SYNE1: variants seen among roughly 807,000 people sequenced by gnomAD.
The protein encoded by SYNE1 is spectrin repeat containing nuclear envelope protein 1, also known as nesprin-1.
SYNE1 carries 616 observed loss-of-function variants against 1,111.0 expected under a neutral mutation model. That is an observed-to-expected ratio of 0.55 (90% confidence interval 0.52 to 0.59). SYNE1 has a LOEUF of 0.59. Ranked by LOEUF, SYNE1 falls within the 20% of genes least tolerant of loss-of-function variation. SYNE1 has a pLI of 0.00. For synonymous variants in SYNE1, 3,855 were observed against 3,825.8 expected, an observed-to-expected ratio of 1.01 and a Z score of -0.28; for missense variants, 10,006 against 10,417.0, an observed-to-expected ratio of 0.96 and a Z score of 1.72.
At chr6:152,399,334 A>G (rs984018041) in intron 48 of SYNE1, among the ~76,000 whole-genome samples, 10 of 152,226 alleles carry the variant, frequency 6.6e-5, no homozygotes, top group Admixed American at 1.3e-4. Flanking sequence ...GTAATTTTCC[A>G]CACACATGAG....
intron 104 of SYNE1, among the ~76,000 whole-genome samples, chr6:152,253,192 T>C (rs1227801079): frequency 6.6e-6 from 1 of 152,176 alleles, no homozygotes; most frequent in Non-Finnish European, 1.5e-5. Context: ...CCATCTTCCC[T>C]GAGATCACCC....
At chr6:152,169,425 G>A (rs1015736747) in intron 130 of SYNE1, among the ~76,000 whole-genome samples, 2 of 151,612 alleles carry the variant, frequency 1.3e-5, no homozygotes. Context: ...AGCTGGGCGT[G>A]GTGGCGGGCA....
intron 51 of SYNE1, among the ~76,000 whole-genome samples, chr6:152,394,339 C>T (rs1305638576): frequency 6.6e-6 from 1 of 152,130 alleles, no homozygotes; most frequent in African/African-American, 2.4e-5. Flanking sequence ...TTGTTTCTGA[C>T]TTATTTGATA....
At chr6:152,180,719 T>A in intron 128 of SYNE1, among the ~76,000 whole-genome samples, 1 of 149,636 alleles carries the variant, frequency 6.7e-6, no homozygotes, top group African/African-American at 2.5e-5. Flanking sequence ...AGAGTAAAAA[T>A]AGGGAAGGAA....
intron 87 of SYNE1, among the ~76,000 whole-genome samples, chr6:152,312,448 C>A (rs2095584065): frequency 6.6e-6 from 1 of 150,902 alleles, no homozygotes. Flanking sequence ...ACCTTGTGAT[C>A]CGCCAGCCTC....
At chr6:152,337,202 T>G (rs1256738954) in intron 75 of SYNE1, among the ~76,000 whole-genome samples, 185 bp from the exon 76 acceptor site, 2 of 151,244 alleles carry the variant, frequency 1.3e-5, no homozygotes, top group South Asian at 2.1e-4. Flanking sequence ...AAAAGCAGAT[T>G]TTTTTTAAAA....
At chr6:152,180,782 A>C (rs574014236) in intron 128 of SYNE1, among the ~76,000 whole-genome samples, 1 of 152,154 alleles carries the variant, frequency 6.6e-6, no homozygotes, top group Non-Finnish European at 1.5e-5. Context: ...GTATCTAGAG[A>C]GTGAGGAAGC....
At chr6:152,429,105 T>G (rs1592511018) in intron 36 of SYNE1, among the ~76,000 whole-genome samples, 1 of 143,276 alleles carries the variant, frequency 7.0e-6, no homozygotes, top group Non-Finnish European at 1.6e-5. Context: ...ATAATAATAA[T>G]AATAATAATA....
chr6:152,443,646 C>T (rs1042865431), intron 30 of SYNE1, among the ~76,000 whole-genome samples: 1 of 152,180 alleles, frequency 6.6e-6, no homozygotes, highest in Non-Finnish European at 1.5e-5. Context: ...ATGCAACTTC[C>T]GTTTTTATAT....
chr6:152,622,452 T>C (rs576691140), intron 3 of SYNE1, among the ~76,000 whole-genome samples: 1 of 152,258 alleles, frequency 6.6e-6, no homozygotes, highest in East Asian at 1.9e-4. Flanking sequence ...ACAGTGTCTG[T>C]TGTTCCCCTC....
rs1401314724 is a variant in SYNE1, at chr6:152,502,626, T to C, written c.888+7A>G. ...ACCAGTGATACTTGAAGAAAGCAAA[T>C]ACCTACATCATCCTCTTGCCCATCA... On this transcript the variant is annotated splice_region_variant and intron_variant, in intron 10 of 145. Transcript: ENST00000367255. The C allele has an allele frequency of 6.2e-7, 1 of 1,605,618 alleles. No individual in the cohort carries two copies. Among genetic ancestry groups the C allele is most frequent in the African/African-American group, 1.3e-5 (1 of 74,744 alleles).
chr6:152,414,806 T>C (rs2098127390), intron 41 of SYNE1, among the ~76,000 whole-genome samples: 2 of 150,546 alleles, frequency 1.3e-5, no homozygotes, highest in South Asian at 4.3e-4. Context: ...GCACCAATGA[T>C]ACTGCTGGCA....
At chr6:152,151,899 A>C (rs1349458742) in intron 134 of SYNE1, 60 bp downstream of exon 134, 2 of 1,591,486 alleles carry the variant, frequency 1.3e-6, no homozygotes, top group East Asian at 4.5e-5. Flanking sequence ...TCAAGACTGC[A>C]TTCAAATGGC....
intron 11 of SYNE1, among the ~76,000 whole-genome samples, chr6:152,496,706 A>G (rs1318256172): frequency 6.6e-6 from 1 of 152,034 alleles, no homozygotes; most frequent in Non-Finnish European, 1.5e-5. Flanking sequence ...CCAACACTTC[A>G]CCACTATTTT....
intron 63 of SYNE1, among the ~76,000 whole-genome samples, chr6:152,362,777 C>T (rs778874849): frequency 6.6e-6 from 1 of 151,988 alleles, no homozygotes; most frequent in Non-Finnish European, 1.5e-5. Context: ...ATCAGAAAAT[C>T]GTAATGAAAT....
chr6:152,407,742 A>T (rs1191349306), intron 44 of SYNE1, among the ~76,000 whole-genome samples: 1 of 149,736 alleles, frequency 6.7e-6, no homozygotes, highest in Non-Finnish European at 1.5e-5. Context: ...ATAGCATGTT[A>T]AAAAAAATAA....
intron 38 of SYNE1, 167 bp downstream of exon 38, chr6:152,427,526 T>C: frequency 1.3e-6 from 1 of 756,672 alleles, no homozygotes; most frequent in East Asian, 2.7e-5. Context: ...TTTCAGGTCA[T>C]GGTTGCTTTC....
At chr6:152,223,606 A>G (rs2080764186) in intron 117 of SYNE1, among the ~76,000 whole-genome samples, 1 of 149,362 alleles carries the variant, frequency 6.7e-6, no homozygotes, top group Admixed American at 6.7e-5. Context: ...CGACAGAGCG[A>G]GACTCTGTCT....
intron 108 of SYNE1, 84 bp downstream of exon 108, chr6:152,239,449 G>T: frequency 6.4e-7 from 1 of 1,556,580 alleles, no homozygotes; most frequent in Non-Finnish European, 8.9e-7. Context: ...GAGGCAAACT[G>T]CATGGATAGA....
Sources: gnomAD v4.1 joint callset for allele counts (sites outside exome capture counted in the v4.1 genomes callset) on GRCh38, gnomAD v4.1.1 for gene constraint, MANE v1.5 for transcripts, NCBI Gene and HGNC (gene_info 2026-07-23, HGNC 2026-07-21) for gene names.